SAMD13: variants seen among roughly 807,000 people sequenced by gnomAD.
SAMD13 encodes sterile alpha motif domain containing 13, also known as sterile alpha motif domain-containing protein 13.
SAMD13 carries 9 observed loss-of-function variants against 12.4 expected under a neutral mutation model. The ratio of observed to expected loss-of-function variants is 0.72; its 90% CI spans 0.44 to 1.26. The LOEUF (loss-of-function observed/expected upper bound fraction) is 1.26, where lower values mean the gene tolerates loss of function less well. Among genes scored for constraint, SAMD13 ranks in the 50% most tolerant of loss-of-function variants. The pLI is 0.00. For missense variants in SAMD13, 84 were observed against 119.6 expected (o/e 0.70, Z 1.39); for synonymous variants, 46 against 45.4 (o/e 1.01, Z -0.05).
intron 3 of SAMD13, among the ~76,000 whole-genome samples, chr1:84,347,658 C>T (rs765561395): frequency 6.6e-6 from 1 of 152,090 alleles, no homozygotes; most frequent in Non-Finnish European, 1.5e-5. Flanking sequence ...AGGGCTTTAC[C>T]GTTCAGTAAA....
chr1:84,308,324 T>C (rs1345055478), intron 2 of SAMD13, among the ~76,000 whole-genome samples: 3 of 152,192 alleles, frequency 2.0e-5, no homozygotes, highest in Admixed American at 2.0e-4. Context: ...CAGAAAGGGA[T>C]AACATGTAGT....
Position 84,308,130 on chromosome 1 carries a change from G to A in SAMD13, c.53+4843G>A, listed in dbSNP as rs141176454. Reference sequence around the variant, plus strand: ...AAGGATTACTGTCCCAATGACCAATGTCTTGTGTACCATTGCCTCATATAT... The same window carrying A: ...AAGGATTACTGTCCCAATGACCAATATCTTGTGTACCATTGCCTCATATAT... On this transcript the variant is annotated intron_variant, in intron 2 of 3. Transcript: ENST00000394834. 3.8e-3 allele frequency among the ~76,000 whole-genome samples: 578 copies of A among 152,310 alleles called. 4 individuals are homozygous for A. The highest frequency in any genetic ancestry group is 0.013 in the African/African-American group (549 of 41,572).
chr1:84,337,737 A>G (rs1269867623), intron 3 of SAMD13, among the ~76,000 whole-genome samples: 1 of 152,242 alleles, frequency 6.6e-6, no homozygotes, highest in Admixed American at 6.5e-5. Flanking sequence ...TGTCCTCAGA[A>G]AATGGGATTT....
intron 2 of SAMD13, among the ~76,000 whole-genome samples, chr1:84,310,516 A>G (rs1179434936): frequency 6.6e-6 from 1 of 152,218 alleles, no homozygotes; most frequent in Non-Finnish European, 1.5e-5. Context: ...TTCATTGGGC[A>G]TATTTAATCT....
chr1:84,317,908 T>A (rs1235259588), intron 2 of SAMD13, among the ~76,000 whole-genome samples: 1 of 152,128 alleles, frequency 6.6e-6, no homozygotes, highest in Non-Finnish European at 1.5e-5. Flanking sequence ...TCTTCATAAT[T>A]CAGTCTGGTG....
intron 2 of SAMD13, among the ~76,000 whole-genome samples, chr1:84,306,856 A>AT (rs1553199897): frequency 2.0e-3 from 279 of 141,830 alleles, no homozygotes; most frequent in South Asian, 5.0e-3. Flanking sequence ...AATAATAATA[A>AT]AATAAAATAA....
rs139167916 is a variant in SAMD13, at chr1:84,349,982, G to A, written c.*208G>A. 7.7e-5 allele frequency: 86 copies of A among 1,111,808 alleles called. No individual in the cohort carries two copies. In the African/African-American group the frequency reaches 1.1e-3, roughly 15 times the overall value. The allele number at this position is 1,111,808 out of a possible 1,614,324, so 68.9% of individuals were successfully genotyped here. ...GCAAGGACAAGATGCGCACAGGGTG[G>A]TTTTCCTCATGGATTTTGTCAAATA... On this transcript the variant is annotated 3_prime_UTR_variant, in exon 4 of 4. Coordinates refer to ENST00000394834, the MANE Select transcript of SAMD13 (RefSeq NM_001134663.2).
intron 2 of SAMD13, among the ~76,000 whole-genome samples, chr1:84,311,346 A>G (rs2201377): frequency 0.32 from 44,529 of 138,030 alleles, 7,784 homozygotes; most frequent in Middle Eastern, 0.43. Context: ...AAAAAAAAAA[A>G]AAAAGAAAAG....
intron 3 of SAMD13, among the ~76,000 whole-genome samples, chr1:84,348,359 G>A (rs1287851073): frequency 1.3e-5 from 2 of 152,194 alleles, no homozygotes; most frequent in Non-Finnish European, 2.9e-5. Flanking sequence ...AGTTGGAGGA[G>A]CCGCCCTGGG....
chr1:84,315,503 G>A (rs1678814368), intron 2 of SAMD13, among the ~76,000 whole-genome samples: 1 of 152,164 alleles, frequency 6.6e-6, no homozygotes, highest in South Asian at 2.1e-4. Flanking sequence ...TGTTGCCTAG[G>A]CTGGTCTCAA....
At chr1:84,340,865 A>G (rs1380537461) in intron 3 of SAMD13, among the ~76,000 whole-genome samples, 5 of 152,172 alleles carry the variant, frequency 3.3e-5, no homozygotes, top group African/African-American at 1.2e-4. Flanking sequence ...TTGGTGAAGG[A>G]GAGTAGTATT....
chr1:84,320,133 C>T (rs918535053), intron 2 of SAMD13, among the ~76,000 whole-genome samples: 1 of 152,140 alleles, frequency 6.6e-6, no homozygotes, highest in Non-Finnish European at 1.5e-5. Context: ...GTGCCTGGCT[C>T]ATAGTAGACA....
At chr1:84,321,525 A>G (rs923181333) in intron 2 of SAMD13, among the ~76,000 whole-genome samples, 1 of 152,216 alleles carries the variant, frequency 6.6e-6, no homozygotes, top group African/African-American at 2.4e-5. Flanking sequence ...TCAATGCAAA[A>G]TTAGCAGCCA....
chr1:84,306,557 G>A (rs1482261160), intron 2 of SAMD13, among the ~76,000 whole-genome samples: 1 of 150,788 alleles, frequency 6.6e-6, no homozygotes, highest in African/African-American at 2.4e-5. Context: ...CCAGTACTTT[G>A]GGAGGCCAAA....
rs1268436869 is a variant in SAMD13 at position 84,349,493 on chromosome 1, A to G, written c.166-138A>G. On this transcript the variant is annotated intron_variant, in intron 3 of 3. Transcript: ENST00000394834. ...AAAAATAGAGGATTGCATTTTTTCC[A>G]TTTTGGCACTACTACAAATGTAATG... 6 of 1,420,798 alleles carry G rather than the reference A, an allele frequency of 4.2e-6. No individual in the cohort carries two copies. The Admixed American group carries it at 1.5e-4, about 35-fold the overall frequency. 88.0% of individuals were successfully genotyped at this position (1,420,798 alleles called of 1,614,324 possible).
chr1:84,337,989 G>T (rs143808612), intron 3 of SAMD13, among the ~76,000 whole-genome samples: 52 of 152,270 alleles, frequency 3.4e-4, no homozygotes, highest in Middle Eastern at 3.4e-3. Flanking sequence ...CTTTGCTCTA[G>T]TTCCCAACAA....
At chr1:84,309,301 G>C (rs1678656307) in intron 2 of SAMD13, among the ~76,000 whole-genome samples, 2 of 152,142 alleles carry the variant, frequency 1.3e-5, no homozygotes, top group African/African-American at 4.8e-5. Flanking sequence ...AAGGAGTCTT[G>C]AGGCAGGCTT....
At chr1:84,332,361 A>AT (rs1558457081) in intron 3 of SAMD13, among the ~76,000 whole-genome samples, 1 of 152,210 alleles carries the variant, frequency 6.6e-6, no homozygotes, top group Admixed American at 6.6e-5. Context: ...CTACTGCTGT[A>AT]TAAGTATTCC....
At chr1:84,311,784 A>G (rs1678718477) in intron 2 of SAMD13, among the ~76,000 whole-genome samples, 1 of 152,252 alleles carries the variant, frequency 6.6e-6, no homozygotes, top group Admixed American at 6.5e-5. Flanking sequence ...TTGTATATCT[A>G]GCTAAAATTC....
Sources: allele counts gnomAD v4.1 joint callset (sites outside exome capture counted in the v4.1 genomes callset), GRCh38; gene constraint gnomAD v4.1.1; transcripts MANE v1.5; gene names NCBI Gene and HGNC (gene_info 2026-07-23, HGNC 2026-07-21).